The following CAST variants were observed in gnomAD, a reference collection of about 807,000 sequenced individuals.
CAST encodes the protein MIR583 host.
In CAST, 76 loss-of-function variants were observed where a neutral mutation model predicts 119.6. That is an observed-to-expected ratio of 0.64 (90% CI 0.53 to 0.77). The LOEUF (loss-of-function observed/expected upper bound fraction) is 0.77. Ranked by LOEUF, CAST falls within the 30% of genes least tolerant of loss-of-function variation. CAST has a pLI of 0.00. For synonymous variants in CAST, 319 were observed against 331.6 expected, an observed-to-expected ratio of 0.96 and a Z score of 0.41; for missense variants, 953 against 946.5, an observed-to-expected ratio of 1.01 and a Z score of -0.09.
chr5:95,977,070 A>T, the CAST span, among the ~76,000 whole-genome samples: 1 of 152,228 alleles, frequency 6.6e-6, no homozygotes, highest in African/African-American at 2.4e-5. Context: ...ATTAATATTT[A>T]TGTGTCTAGA....
At chr5:96,730,688 G>A (rs1760272339) in intron 8 of CAST, 92 bp from the exon 9 acceptor site, 4 of 904,772 alleles carry the variant, frequency 4.4e-6, no homozygotes, top group Non-Finnish European at 5.5e-6. Flanking sequence ...AGGGTGAACT[G>A]GCAGATGTTA....
At chr5:96,206,780 A>G in the CAST span, among the ~76,000 whole-genome samples, 1 of 152,036 alleles carries the variant, frequency 6.6e-6, no homozygotes, top group South Asian at 2.1e-4. Context: ...TGTCGTGGCT[A>G]TTTGGGCTCT....
At chr5:96,506,794 AGGCT>A in the CAST span, among the ~76,000 whole-genome samples, 1 of 152,200 alleles carries the variant, frequency 6.6e-6, no homozygotes, top group Non-Finnish European at 1.5e-5. Context: ...TCTAAGAACA[AGGCT>A]GGCCAGGGGG....
rs1440961136 is a variant in CAST, at chr5:96,542,781, GA to G, written c.60+12908del. Among the ~76,000 whole-genome samples, 6 of 151,848 alleles carry G rather than the reference GA, an allele frequency of 4.0e-5. 1 individual carries two copies. The South Asian group carries it at 1.0e-3, about 26-fold the overall frequency. ...ACAGTGTCTTTTCCAACAAACATAC[GA>G]AAAAAAGCTCATTATCACTGGTCAT... On this transcript the variant is annotated intron_variant, in intron 1 of 11. Transcript: ENST00000505143.
chr5:96,742,600 T>C, intron 15 of CAST, 55 bp from the exon 16 acceptor site: 1 of 1,104,828 alleles, frequency 9.1e-7, no homozygotes, highest in Non-Finnish European at 1.4e-6. Context: ...GTAAATGGAT[T>C]GTTCGGGCTC....
the CAST span, among the ~76,000 whole-genome samples, chr5:96,277,066 A>G: frequency 6.6e-6 from 1 of 152,214 alleles, no homozygotes; most frequent in Admixed American, 6.5e-5. Flanking sequence ...ATAAACTACC[A>G]TTTATTCATC....
intron 1 of CAST, among the ~76,000 whole-genome samples, chr5:96,611,509 C>T (rs1256340277): frequency 3.3e-5 from 5 of 152,012 alleles, no homozygotes; most frequent in Non-Finnish European, 2.9e-5. Context: ...TAAAATACTA[C>T]AAGAAAGCCT....
chr5:96,325,270 A>G, the CAST span, among the ~76,000 whole-genome samples: 5 of 152,090 alleles, frequency 3.3e-5, no homozygotes, highest in Non-Finnish European at 7.4e-5. Flanking sequence ...ATCTCTATTA[A>G]AAAAGAGAGT....
the CAST span, among the ~76,000 whole-genome samples, chr5:96,062,863 A>C: frequency 2.0e-5 from 3 of 152,242 alleles, no homozygotes; most frequent in Non-Finnish European, 1.5e-5. Flanking sequence ...TCACCCCCCA[A>C]GTTAAGCTGC....
chr5:96,294,118 T>C, the CAST span, among the ~76,000 whole-genome samples: 1 of 152,342 alleles, frequency 6.6e-6, no homozygotes, highest in Non-Finnish European at 1.5e-5. Context: ...CTGAGTCAAC[T>C]CATTTTTGAC....
the CAST span, among the ~76,000 whole-genome samples, chr5:96,373,588 G>A: frequency 2.4e-4 from 36 of 152,276 alleles, no homozygotes; most frequent in Non-Finnish European, 4.3e-4. Flanking sequence ...TGGACATTTC[G>A]ATAGGGAATA....
At chr5:96,405,652 C>T in the CAST span, among the ~76,000 whole-genome samples, 4 of 152,078 alleles carry the variant, frequency 2.6e-5, no homozygotes, top group African/African-American at 7.2e-5. Flanking sequence ...GCCTGGGTGA[C>T]GGAGTGAGAC....
the CAST span, among the ~76,000 whole-genome samples, chr5:95,977,939 C>T: frequency 1.1e-4 from 17 of 151,686 alleles, no homozygotes; most frequent in African/African-American, 2.4e-4. Context: ...TGCTGGAGTC[C>T]GCCAGCTCCA....
chr5:96,336,079 C>G, the CAST span, among the ~76,000 whole-genome samples: 1 of 152,284 alleles, frequency 6.6e-6, no homozygotes, highest in Admixed American at 6.5e-5. Context: ...AGTAATCTGA[C>G]CCAGTCCTTC....
chr5:96,071,467 T>C, the CAST span, among the ~76,000 whole-genome samples: 1 of 152,078 alleles, frequency 6.6e-6, no homozygotes, highest in African/African-American at 2.4e-5. Flanking sequence ...CCATCCCTAT[T>C]CCTAGGCATC....
the CAST span, among the ~76,000 whole-genome samples, chr5:96,261,812 G>A: frequency 3.5e-4 from 54 of 152,274 alleles, no homozygotes; most frequent in African/African-American, 1.1e-3. Context: ...TGTGGCTAGC[G>A]GCTGCCATAT....
At chr5:96,560,402 C>A (rs1481007201) in intron 1 of CAST, among the ~76,000 whole-genome samples, 1 of 151,440 alleles carries the variant, frequency 6.6e-6, no homozygotes, top group Admixed American at 6.6e-5. Flanking sequence ...AAGAAACTAC[C>A]ATCAGAGTGA....
At chr5:96,228,258 C>T in the CAST span, among the ~76,000 whole-genome samples, 2 of 152,160 alleles carry the variant, frequency 1.3e-5, no homozygotes, top group African/African-American at 4.8e-5. Flanking sequence ...CTGTGTGAGA[C>T]AATTAATTGT....
the CAST span, among the ~76,000 whole-genome samples, chr5:96,328,382 CCT>C: frequency 5.3e-5 from 1 of 18,962 alleles, no homozygotes; most frequent in East Asian, 9.0e-4. Context: ...CTTCTCTCTC[CCT>C]CTCTCTCTCT....
Sources: allele counts gnomAD v4.1 joint callset (sites outside exome capture counted in the v4.1 genomes callset), GRCh38; gene constraint gnomAD v4.1.1; transcripts MANE v1.5; gene names NCBI Gene and HGNC (gene_info 2026-07-23, HGNC 2026-07-21).